BCL2L11: variants seen among roughly 807,000 people sequenced by gnomAD.
BCL2L11 encodes the protein BCL2 like 11.
A neutral mutation model predicts 20.6 loss-of-function variants in BCL2L11; 15 were observed. The ratio of observed to expected loss-of-function variants is 0.73; its 90% CI spans 0.49 to 1.12. The LOEUF (loss-of-function observed/expected upper bound fraction) is 1.12. Ranked by LOEUF, BCL2L11 falls within the 50% of genes most tolerant of loss-of-function variation. The pLI is 0.00. For missense variants in BCL2L11, 292 were observed against 260.9 expected (o/e 1.12, Z -0.82); for synonymous variants, 108 against 92.8 (o/e 1.16, Z -0.94).
intron 2 of BCL2L11, among the ~76,000 whole-genome samples, chr2:111,142,550 A>G (rs923262718): frequency 6.6e-6 from 1 of 152,210 alleles, no homozygotes; most frequent in African/African-American, 2.4e-5. Context: ...CACCATTGTA[A>G]GTTTTAACCG....
At position 111,167,628 on chromosome 2, in the gene BCL2L11, G is replaced by A. The variant is rs76256675; in HGVS notation, c.*3397G>A. 1,126 of 152,374 alleles carry A rather than the reference G, an allele frequency of 7.4e-3. 11 individuals are homozygous for A. Among genetic ancestry groups the A allele is most frequent in the Non-Finnish European group, 0.012 (798 of 68,052 alleles). 9.4% of individuals were successfully genotyped at this position (152,374 alleles called of 1,614,324 possible). On this transcript the variant is annotated 3_prime_UTR_variant, in exon 4 of 4. Transcript: ENST00000393256. ...CCAGGCAGGACAAGTGAATGGGTGG[G>A]ACAGGTGGCTCCTGCCTAAGGACCA... is the stretch of plus-strand genomic sequence containing the variant.
intron 2 of BCL2L11, chr2:111,130,032 T>G (rs2073581009): frequency 8.8e-6 from 3 of 342,328 alleles, no homozygotes; most frequent in African/African-American, 6.8e-5. Context: ...ACACTGTGTT[T>G]GCATGTTCTG....
In BCL2L11 at chr2:111,138,008, CTTTCT is replaced by C. The variant is rs1219745491; in HGVS notation, c.395-12032_395-12028del. Among the ~76,000 whole-genome samples the C allele has an allele frequency of 4.3e-3, 580 of 134,608 alleles. 3 individuals carry two copies. Among genetic ancestry groups the C allele is most frequent in the Non-Finnish European group, 6.7e-3 (431 of 63,958 alleles). 88.3% of individuals were successfully genotyped at this position (134,608 alleles called of 152,430 possible). On this transcript the variant is annotated intron_variant, in intron 2 of 3. Coordinates refer to ENST00000393256, the MANE Select transcript of BCL2L11 (RefSeq NM_138621.5). ...TTCTCCCTTTTTTCTTTCTTTCTTT[CTTTCT>C]TTTTTTTTTTTTTTTGAGATAGAAT...
At chr2:111,161,873 C>A (rs1056120732) in intron 3 of BCL2L11, among the ~76,000 whole-genome samples, 2 of 152,168 alleles carry the variant, frequency 1.3e-5, no homozygotes, top group African/African-American at 4.8e-5. Context: ...TTGTAGCAGC[C>A]GTTCCTCAGT....
intron 2 of BCL2L11, chr2:111,128,817 T>C (rs559478988): frequency 6.8e-7 from 1 of 1,461,640 alleles, no homozygotes; most frequent in African/African-American, 1.5e-5. Context: ...TGGTCATTGG[T>C]GATTAAATAA....
At position 111,145,336 on chromosome 2, in the gene BCL2L11, A is replaced by G. The variant is rs146940147; in HGVS notation, c.395-4708A>G. Among the ~76,000 whole-genome samples, 115 of 152,306 alleles carry G rather than the reference A, an allele frequency of 7.6e-4. 4 individuals carry two copies. The highest frequency in any genetic ancestry group is 3.4e-3 in the Middle Eastern group (1 of 294). ...AGATGTCACTTTATGGCATCGTCAC[A>G]GAGAACAACTGGGTTTTGGAGAGAG... On this transcript the variant is annotated intron_variant, in intron 2 of 3. Coordinates refer to ENST00000393256, the MANE Select transcript of BCL2L11 (RefSeq NM_138621.5).
chr2:111,144,638 A>G lies in BCL2L11; in HGVS notation c.395-5406A>G. The G allele has an allele frequency of 3.9e-6, 5 of 1,277,546 alleles. No individual in the cohort carries two copies. The South Asian group carries it at 7.2e-5, about 18-fold the overall frequency. The allele number at this position is 1,277,546 out of a possible 1,614,324, so 79.1% of individuals were successfully genotyped here. Reference sequence around the variant, plus strand: ...AAGATATTTAAAGAAGGAGACTTACAGAGTTGAATAAACATCCTGGAATTT... The same window carrying G: ...AAGATATTTAAAGAAGGAGACTTACGGAGTTGAATAAACATCCTGGAATTT... On this transcript the variant is annotated intron_variant, in intron 2 of 3. Transcript: ENST00000393256.
chr2:111,163,453 G>A (rs377695707), intron 3 of BCL2L11: 1 of 152,338 alleles, frequency 6.6e-6, no homozygotes, highest in East Asian at 1.9e-4. Context: ...GACCCTGAAA[G>A]CATTGGATAA....
rs370683853 is a variant in BCL2L11 at position 111,123,843 on chromosome 2, C to G, written c.98C>G (p.Pro33Arg). ...ERPPQLRPGA[P>R]TSLQTEPQGN... ...CCTCCCCAGCTCAGACCTGGGGCCC[C>G]TACCTCCCTACAGACAGAGCCACAA... Residue 33 changes from proline to arginine, a missense_variant, in exon 2 of 4, where the codon CCT becomes CGT. Coordinates refer to ENST00000393256, the MANE Select transcript of BCL2L11 (RefSeq NM_138621.5). 1.9e-6 allele frequency: 3 copies of G among 1,566,994 alleles called. No individual in the cohort carries two copies. The highest frequency in any genetic ancestry group is 1.2e-5 in the South Asian group (1 of 83,182).
In BCL2L11 at chr2:111,166,713, T is replaced by G. The variant is rs2079038440; in HGVS notation, c.*2482T>G. ...CGCAATAAACACACACAAAATAGTT[T>G]CATGAGTGATTCTTCAGATGCCCTT... On this transcript the variant is annotated 3_prime_UTR_variant, in exon 4 of 4. Transcript: ENST00000393256. The G allele has an allele frequency of 6.6e-6, 1 of 152,646 alleles. No homozygotes were observed. The highest frequency in any genetic ancestry group is 2.1e-4 in the South Asian group (1 of 4,834). The allele number at this position is 152,646 out of a possible 1,614,324, so 9.5% of individuals were successfully genotyped here. A position where few individuals can be genotyped will look rare whatever the true frequency, so the allele number is the denominator to read the frequency against.
chr2:111,161,769 A>C (rs686952), intron 3 of BCL2L11, among the ~76,000 whole-genome samples: 114,851 of 152,136 alleles, frequency 0.75, 44,527 homozygotes, highest in African/African-American at 0.93. Flanking sequence ...TTCACCAGTA[A>C]ATTCCATCTT....
At chr2:111,147,815 T>C (rs1353556755) in intron 2 of BCL2L11, among the ~76,000 whole-genome samples, 1 of 152,226 alleles carries the variant, frequency 6.6e-6, no homozygotes, top group African/African-American at 2.4e-5. Flanking sequence ...TTGTTTTGTC[T>C]TATAAAAAGT....
intron 2 of BCL2L11, chr2:111,132,358 T>G (rs1356078850): frequency 6.6e-6 from 1 of 152,166 alleles, no homozygotes; most frequent in African/African-American, 2.4e-5. Context: ...TTTAGAGACT[T>G]GTAGCTAGGA....
chr2:111,152,416 G>A (rs1357266432), intron 3 of BCL2L11, among the ~76,000 whole-genome samples: 2 of 152,226 alleles, frequency 1.3e-5, no homozygotes, highest in East Asian at 1.9e-4. Flanking sequence ...GATTTTGACC[G>A]CAGAGCTGGT....
Position 111,123,963 on chromosome 2 carries a change from T to C in BCL2L11, c.218T>C (p.Phe73Ser). 3.7e-6 allele frequency: 6 copies of C among 1,614,216 alleles called. No individual in the cohort carries two copies. The highest frequency in any genetic ancestry group is 4.2e-6 in the Non-Finnish European group (5 of 1,180,030). The change falls in exon 2 of 4, where the codon TTT (phenylalanine) becomes TCT (serine). Residue 73 changes from phenylalanine to serine, a missense_variant. By Grantham distance (155) the Phe-to-Ser change is radical. Coordinates refer to ENST00000393256, the MANE Select transcript of BCL2L11 (RefSeq NM_138621.5). ...PLAPPASPGPFATRSPLFIFM... is the reference protein window; with the variant it reads ...PLAPPASPGPSATRSPLFIFM... ...GCCCCACCTGCCAGCCCTGGCCCTT[T>C]TGCTACCAGATCCCCGCTTTTCATC...
At chr2:111,156,600 A>T (rs1403236481) in intron 3 of BCL2L11, among the ~76,000 whole-genome samples, 1 of 151,870 alleles carries the variant, frequency 6.6e-6, no homozygotes. Flanking sequence ...TGTGGCTGGG[A>T]TTATGTGGAC....
At chr2:111,160,270 C>A (rs1345412710) in intron 3 of BCL2L11, among the ~76,000 whole-genome samples, 1 of 152,218 alleles carries the variant, frequency 6.6e-6, no homozygotes, top group Non-Finnish European at 1.5e-5. Flanking sequence ...TCCTCTCTGG[C>A]CAGTGGTTTT....
intron 2 of BCL2L11, among the ~76,000 whole-genome samples, chr2:111,134,295 T>A (rs1261953111): frequency 6.6e-6 from 1 of 152,204 alleles, no homozygotes; most frequent in East Asian, 1.9e-4. Context: ...TTGATATGTT[T>A]ATGGTGTTTT....
At chr2:111,156,516 G>A (rs1209281435) in intron 3 of BCL2L11, among the ~76,000 whole-genome samples, 4 of 152,174 alleles carry the variant, frequency 2.6e-5, no homozygotes, top group East Asian at 1.9e-4. Flanking sequence ...AGACTACCCC[G>A]TTTCCGTCCC....
Sources: allele counts gnomAD v4.1 joint callset (sites outside exome capture counted in the v4.1 genomes callset), GRCh38; gene constraint gnomAD v4.1.1; transcripts MANE v1.5; gene names NCBI Gene and HGNC (gene_info 2026-07-23, HGNC 2026-07-21).